RNF38: variants seen among roughly 807,000 people sequenced by gnomAD.
RNF38 encodes the protein E3 ubiquitin-protein ligase RNF38.
A neutral mutation model predicts 67.2 loss-of-function variants in RNF38; 15 were observed. That is an observed-to-expected ratio of 0.22 (90% CI 0.15 to 0.34). The LOEUF is 0.34. Among genes scored for constraint, RNF38 ranks in the 10% least tolerant of loss-of-function variants. RNF38 has a pLI of 1.00. For missense variants in RNF38, 524 were observed against 639.9 expected, an observed-to-expected ratio of 0.82 and a Z score of 1.95; for synonymous variants, 220 against 218.8, an observed-to-expected ratio of 1.01 and a Z score of -0.05.
At chr9:36,378,025 A>G (rs925726400) in intron 2 of RNF38, among the ~76,000 whole-genome samples, 3 of 152,034 alleles carry the variant, frequency 2.0e-5, no homozygotes, top group Non-Finnish European at 4.4e-5. Context: ...TTAAAAAAAA[A>G]GGTAAATAAC....
chr9:36,445,178 G>T (rs1839273411), intron 1 of RNF38, among the ~76,000 whole-genome samples: 1 of 152,096 alleles, frequency 6.6e-6, no homozygotes, highest in South Asian at 2.1e-4. Flanking sequence ...CGCACTTACA[G>T]ACAACCTATC....
At chr9:36,417,815 C>G (rs903992264) in intron 2 of RNF38, among the ~76,000 whole-genome samples, 1 of 151,844 alleles carries the variant, frequency 6.6e-6, no homozygotes, top group African/African-American at 2.4e-5. Context: ...CCAGCCACTT[C>G]CACCACTTTT....
intron 1 of RNF38, among the ~76,000 whole-genome samples, chr9:36,449,064 T>C (rs574098806): frequency 2.0e-5 from 3 of 152,282 alleles, no homozygotes; most frequent in Admixed American, 6.5e-5. Flanking sequence ...AACATACAAC[T>C]GATACCTAGA....
chr9:36,364,027 C>A lies in RNF38; in HGVS notation c.570+5692G>T, dbSNP rs527590142. On this transcript the variant is annotated intron_variant, in intron 4 of 11. Transcript: ENST00000259605. ...CGTGTTTTTAGTAGAGATGGGGTGT[C>A]ACCATGTTGGCCAGGCTGGCTCGAA... Among the ~76,000 whole-genome samples, 2 of 96,710 alleles carry A rather than the reference C, an allele frequency of 2.1e-5. 1 individual carries two copies. The highest frequency in any genetic ancestry group is 7.2e-4 in the South Asian group (2 of 2,768). The allele number at this position is 96,710 out of a possible 152,430, so 63.4% of individuals were successfully genotyped here.
chr9:36,362,068 T>C (rs1834580053), intron 4 of RNF38, among the ~76,000 whole-genome samples: 1 of 152,038 alleles, frequency 6.6e-6, no homozygotes, highest in Non-Finnish European at 1.5e-5. Flanking sequence ...TTAAAATCAA[T>C]GAATAGGGCC....
intron 2 of RNF38, among the ~76,000 whole-genome samples, chr9:36,413,774 T>C (rs1231214019): frequency 5.9e-5 from 9 of 152,240 alleles, no homozygotes; most frequent in African/African-American, 2.2e-4. Flanking sequence ...TTTTGTTGTA[T>C]AGTTCAAGCC....
intron 1 of RNF38, among the ~76,000 whole-genome samples, chr9:36,434,656 T>G (rs1839021312): frequency 6.6e-6 from 1 of 152,218 alleles, no homozygotes; most frequent in Non-Finnish European, 1.5e-5. Flanking sequence ...CCCAAAGTGC[T>G]GGGATTACAG....
At chr9:36,363,105 C>G (rs1834694990) in intron 4 of RNF38, among the ~76,000 whole-genome samples, 1 of 99,570 alleles carries the variant, frequency 1.0e-5, no homozygotes, top group African/African-American at 3.0e-5. Flanking sequence ...ACCTATGTAT[C>G]TATCTATGAG....
intron 2 of RNF38, among the ~76,000 whole-genome samples, chr9:36,406,423 A>G (rs1838184186): frequency 6.6e-6 from 1 of 152,330 alleles, no homozygotes; most frequent in East Asian, 1.9e-4. Context: ...TCCACATCCA[A>G]GTATCCCTAC....
chr9:36,344,473 G>C (rs1307668336), intron 10 of RNF38, among the ~76,000 whole-genome samples: 1 of 152,146 alleles, frequency 6.6e-6, no homozygotes, highest in Non-Finnish European at 1.5e-5. Flanking sequence ...AAACATTCTA[G>C]AATGTGAATT....
intron 2 of RNF38, among the ~76,000 whole-genome samples, chr9:36,385,520 A>T (rs1043521757): frequency 1.3e-5 from 2 of 152,076 alleles, no homozygotes; most frequent in Non-Finnish European, 2.9e-5. Flanking sequence ...CAGGGATTAC[A>T]GGCATGTGCC....
chr9:36,385,995 C>A (rs1487835847), intron 2 of RNF38, among the ~76,000 whole-genome samples: 1 of 152,200 alleles, frequency 6.6e-6, no homozygotes, highest in Non-Finnish European at 1.5e-5. Flanking sequence ...AAAATACTTT[C>A]CAAGAGTACG....
chr9:36,365,476 G>A (rs778698244), intron 4 of RNF38, among the ~76,000 whole-genome samples: 2 of 152,010 alleles, frequency 1.3e-5, no homozygotes, highest in African/African-American at 4.8e-5. Flanking sequence ...GCTGAGGCAG[G>A]AGAATCGCTT....
intron 1 of RNF38, among the ~76,000 whole-genome samples, chr9:36,439,941 C>T (rs1185476582): frequency 1.3e-5 from 2 of 151,974 alleles, no homozygotes; most frequent in African/African-American, 4.8e-5. Context: ...TATTATACAG[C>T]CTGCCTTAAA....
intron 1 of RNF38, among the ~76,000 whole-genome samples, chr9:36,443,418 T>C (rs764831904): frequency 6.6e-6 from 1 of 152,166 alleles, no homozygotes; most frequent in Non-Finnish European, 1.5e-5. Flanking sequence ...GGCTGAAAGT[T>C]GCAAGAGTGA....
chr9:36,428,561 C>T (rs1381910993), intron 1 of RNF38, among the ~76,000 whole-genome samples: 3 of 151,654 alleles, frequency 2.0e-5, no homozygotes, highest in Non-Finnish European at 4.4e-5. Flanking sequence ...TTATGATCTC[C>T]GTAACATACA....
intron 3 of RNF38, among the ~76,000 whole-genome samples, chr9:36,375,007 T>C (rs769164398): frequency 7.9e-5 from 12 of 152,162 alleles, no homozygotes; most frequent in Non-Finnish European, 1.5e-4. Flanking sequence ...ATCCTGGATA[T>C]GCACCTCACA....
chr9:36,364,856 A>AT (rs1834826250), intron 4 of RNF38, among the ~76,000 whole-genome samples: 1 of 152,218 alleles, frequency 6.6e-6, no homozygotes, highest in Non-Finnish European at 1.5e-5. Context: ...TATCTAGGTG[A>AT]TGCTGCTGCT....
At chr9:36,454,385 T>G (rs1413378003) in intron 1 of RNF38, among the ~76,000 whole-genome samples, 1 of 152,080 alleles carries the variant, frequency 6.6e-6, no homozygotes, top group Non-Finnish European at 1.5e-5. Flanking sequence ...CACCTCGGCC[T>G]CCCAAAGTGC....
Sources: allele counts gnomAD v4.1 joint callset (sites outside exome capture counted in the v4.1 genomes callset), GRCh38; gene constraint gnomAD v4.1.1; transcripts MANE v1.5; gene names NCBI Gene and HGNC (gene_info 2026-07-23, HGNC 2026-07-21).